DLGAP4: variants seen among roughly 807,000 people sequenced by gnomAD.
The protein encoded by DLGAP4 is DLG associated protein 4, also known as disks large-associated protein 4.
In DLGAP4, 18 loss-of-function variants were observed where a neutral mutation model predicts 86.9. The observed-to-expected ratio is 0.21, with a 90% CI of 0.14 to 0.31. The LOEUF (loss-of-function observed/expected upper bound fraction) is 0.31. Among genes scored for constraint, DLGAP4 ranks in the 10% least tolerant of loss-of-function variants. The pLI, the probability that DLGAP4 is intolerant of heterozygous loss-of-function variation, is 1.00. For missense variants in DLGAP4, 1,085 were observed against 1,362.6 expected, an observed-to-expected ratio of 0.80 and a Z score of 3.21; for synonymous variants, 548 against 574.3, an observed-to-expected ratio of 0.95 and a Z score of 0.65.
intron 10 of DLGAP4, among the ~76,000 whole-genome samples, chr20:36,502,397 G>A (rs1282495400): frequency 6.6e-6 from 1 of 152,166 alleles, no homozygotes; most frequent in Non-Finnish European, 1.5e-5. Context: ...CATCCAGGTT[G>A]GAAGTGCAGT....
chr20:36,492,163 T>C (rs1466408475), intron 7 of DLGAP4, among the ~76,000 whole-genome samples: 1 of 151,924 alleles, frequency 6.6e-6, no homozygotes, highest in East Asian at 1.9e-4. Context: ...GGGGGTGAGG[T>C]ATTTCCTCAC....
chr20:36,358,871 A>G (rs1316412880), intron 1 of DLGAP4, among the ~76,000 whole-genome samples: 1 of 152,224 alleles, frequency 6.6e-6, no homozygotes. Flanking sequence ...TTATAAAAGC[A>G]GGAACCAGGT....
At chr20:36,361,244 A>T (rs1445778218) in intron 1 of DLGAP4, among the ~76,000 whole-genome samples, 1 of 152,200 alleles carries the variant, frequency 6.6e-6, no homozygotes, top group Non-Finnish European at 1.5e-5. Context: ...ATTTTAAAAA[A>T]ACTATTTTTC....
chr20:36,451,506 A>G (rs900882958), intron 7 of DLGAP4, among the ~76,000 whole-genome samples: 6 of 151,968 alleles, frequency 3.9e-5, no homozygotes, highest in African/African-American at 1.5e-4. Flanking sequence ...GTGTGCCACC[A>G]TGCCTGGCTA....
intron 6 of DLGAP4, among the ~76,000 whole-genome samples, chr20:36,443,412 C>T (rs1473913105): frequency 6.6e-6 from 1 of 152,104 alleles, no homozygotes; most frequent in African/African-American, 2.4e-5. Context: ...TGAGATCAAC[C>T]CCACTTTGTA....
intron 1 of DLGAP4, among the ~76,000 whole-genome samples, chr20:36,316,545 C>G (rs2065101927): frequency 6.6e-6 from 1 of 152,204 alleles, no homozygotes; most frequent in South Asian, 2.1e-4. Context: ...ACCCTACCCC[C>G]ACAGCGGACT....
intron 7 of DLGAP4, among the ~76,000 whole-genome samples, chr20:36,478,617 G>A (rs1474914827): frequency 6.6e-6 from 1 of 152,180 alleles, no homozygotes; most frequent in Non-Finnish European, 1.5e-5. Context: ...CAGAGCAGGA[G>A]GACAAACTTG....
At chr20:36,436,828 A>C (rs1600527069) in intron 4 of DLGAP4, among the ~76,000 whole-genome samples, 1 of 151,560 alleles carries the variant, frequency 6.6e-6, no homozygotes, top group Non-Finnish European at 1.5e-5. Flanking sequence ...AAAAAAAAAA[A>C]AGAAAGAAAG....
In DLGAP4 at chr20:36,446,891, C is replaced by T. The variant is rs2033605823; in HGVS notation, c.1602C>T (p.Ser534=). The T allele has an allele frequency of 1.9e-6, 3 of 1,613,126 alleles. No homozygotes were observed. The highest frequency in any genetic ancestry group is 2.5e-6 in the Non-Finnish European group (3 of 1,179,728). Residue 534 remains serine (S), a synonymous_variant, in exon 7 of 13, where the codon TCC becomes TCT. Transcript: ENST00000339266. The stretch of plus-strand genomic sequence containing the variant: ...ACAGTGTCTCCCTGCAGTCCCTCTC[C>T]CCACCGCCCAGTACCGGCAGCCTCA... ...EEDSVSLQSL[S]PPPSTGSLSN...
At chr20:36,339,993 C>T (rs768577884) in intron 1 of DLGAP4, among the ~76,000 whole-genome samples, 2 of 152,120 alleles carry the variant, frequency 1.3e-5, no homozygotes, top group Non-Finnish European at 2.9e-5. Context: ...AGCCGCAGAG[C>T]GGGGAAGGAG....
In DLGAP4 at chr20:36,432,180, C is replaced by T; in HGVS notation, c.463C>T (p.Pro155Ser). The change falls in exon 3 of 13, where the codon CCC (proline) becomes TCC (serine). Residue 155 changes from proline (P) to serine (S), a missense_variant. Physicochemically the swap from Pro to Ser is moderately conservative, Grantham distance 74 (BLOSUM62 -1). Around this residue, in one of 2 missense-constraint regions of DLGAP4, gnomAD observed 1,082 missense variants for 1,344.1 expected, o/e 0.81. Coordinates refer to ENST00000339266, the MANE Select transcript of DLGAP4 (RefSeq NM_001365621.2). This position sits in a 1 kb window ranked among gnomAD's most constrained non-coding sequence, Gnocchi z 6.5. Reference protein sequence around the residue: ...SVQRLFFTKAPSLEGTAGKVG... With the variant: ...SVQRLFFTKASSLEGTAGKVG... ...CCAGCGGCTTTTCTTCACCAAGGCA[C>T]CCTCACTGGAGGGCACAGCGGGCAA... The T allele has an allele frequency of 1.2e-6, 2 of 1,614,194 alleles. No homozygotes were observed. The highest frequency in any genetic ancestry group is 8.5e-7 in the Non-Finnish European group (1 of 1,180,054).
chr20:36,357,666 C>T (rs2030374198), intron 1 of DLGAP4, among the ~76,000 whole-genome samples: 1 of 152,142 alleles, frequency 6.6e-6, no homozygotes, highest in South Asian at 2.1e-4. Flanking sequence ...CTAAGATGAA[C>T]AAAATGAACC....
intron 7 of DLGAP4, among the ~76,000 whole-genome samples, chr20:36,465,902 T>G (rs1258517222): frequency 6.6e-6 from 1 of 152,068 alleles, no homozygotes; most frequent in African/African-American, 2.4e-5. Context: ...TCTCTTCCCC[T>G]AGAGGCCCAC....
At chr20:36,384,070 A>AG (rs2031506122) in intron 2 of DLGAP4, among the ~76,000 whole-genome samples, 1 of 86,988 alleles carries the variant, frequency 1.1e-5, no homozygotes, top group Non-Finnish European at 2.6e-5. Flanking sequence ...GTAACTAGCT[A>AG]GAAAAAAAAA....
intron 6 of DLGAP4, 50 bp from the exon 7 acceptor site, chr20:36,446,647 C>A: frequency 3.2e-6 from 5 of 1,548,614 alleles, no homozygotes; most frequent in Non-Finnish European, 4.4e-6. Flanking sequence ...CCGCTCCCCC[C>A]AGGATGGGCA....
intron 7 of DLGAP4, among the ~76,000 whole-genome samples, chr20:36,456,452 G>A (rs1333275029): frequency 6.6e-6 from 1 of 152,378 alleles, no homozygotes; most frequent in African/African-American, 2.4e-5. Context: ...ACAGGTTGGT[G>A]CAGTGGTCTA....
chr20:36,336,947 C>G (rs1397202064), intron 1 of DLGAP4, among the ~76,000 whole-genome samples: 1 of 152,212 alleles, frequency 6.6e-6, no homozygotes, highest in Non-Finnish European at 1.5e-5. Flanking sequence ...CTCTGCTGTG[C>G]GCACACCTCT....
intron 1 of DLGAP4, among the ~76,000 whole-genome samples, chr20:36,332,562 G>T (rs950734552): frequency 6.6e-6 from 1 of 151,900 alleles, no homozygotes. Flanking sequence ...GCTAATTTTT[G>T]TATTTTTAGT....
In DLGAP4 at chr20:36,431,153, TCCC is replaced by T. The variant is rs1569496768; in HGVS notation, c.-72-492_-72-490del. On this transcript the variant is annotated intron_variant, in intron 2 of 12. Coordinates refer to ENST00000339266, the MANE Select transcript of DLGAP4 (RefSeq NM_001365621.2). The surrounding 1 kb of genome is among the most constrained non-coding windows in gnomAD (Gnocchi z 5.1). ...TGCCTCCAGGGCCAGCACAGGGTCCTCCCGTGGGAGGTGGACCCTGCCACAGGG... is the reference window on the plus strand; with the variant it reads ...TGCCTCCAGGGCCAGCACAGGGTCCTGTGGGAGGTGGACCCTGCCACAGGG... Among the ~76,000 whole-genome samples, 4 of 151,704 alleles carry T rather than the reference TCCC, an allele frequency of 2.6e-5. No homozygotes were observed. The highest frequency in any genetic ancestry group is 4.8e-5 in the African/African-American group (2 of 41,270).
Sources: allele counts gnomAD v4.1 joint callset (sites outside exome capture counted in the v4.1 genomes callset), GRCh38; gene constraint gnomAD v4.1.1; regional missense constraint gnomAD v4.1.1; non-coding constraint Gnocchi (gnomAD v3.1); transcripts MANE v1.5; gene names NCBI Gene and HGNC (gene_info 2026-07-23, HGNC 2026-07-21).